PHACTR2: variants seen among roughly 807,000 people sequenced by gnomAD.
The protein encoded by PHACTR2 is phosphatase and actin regulator 2, also known as chromosome 6 open reading frame 56.
PHACTR2 carries 30 observed loss-of-function variants against 76.0 expected under a neutral mutation model. The ratio of observed to expected loss-of-function variants is 0.39; its 90% confidence interval spans 0.30 to 0.54. The LOEUF is 0.54. Ranked by LOEUF, PHACTR2 falls within the 20% of genes least tolerant of loss-of-function variation. The pLI, the probability that PHACTR2 is intolerant of heterozygous loss-of-function variation, is 0.61. For missense variants in PHACTR2, 696 were observed against 781.1 expected (o/e 0.89, Z 1.30); for synonymous variants, 292 against 292.5 (o/e 1.00, Z 0.02).
In PHACTR2 at chr6:143,753,723, T is replaced by C; in HGVS notation, c.296-31T>C. 6.5e-7 allele frequency: 1 copy of C among 1,528,012 alleles called. No homozygotes were observed. Among genetic ancestry groups the C allele is most frequent in the Non-Finnish European group, 8.8e-7 (1 of 1,132,964 alleles). The allele number at this position is 1,528,012 out of a possible 1,614,324, so 94.7% of individuals were successfully genotyped here. ...CTTGTTTTTAAGAAAGCCAGCAAGTTAGACATCTAGGTGTTTCTTTCCCAT... is the reference window on the plus strand; with the variant it reads ...CTTGTTTTTAAGAAAGCCAGCAAGTCAGACATCTAGGTGTTTCTTTCCCAT... On this transcript the variant is annotated intron_variant, in intron 3 of 12. Transcript: ENST00000440869. The surrounding 1 kb of genome is among the most constrained non-coding windows in gnomAD (Gnocchi z 4.6).
intron 2 of PHACTR2, among the ~76,000 whole-genome samples, chr6:143,741,568 T>C (rs1275440405): frequency 2.6e-5 from 4 of 152,096 alleles, no homozygotes; most frequent in Non-Finnish European, 5.9e-5. Context: ...AGAAAATAAA[T>C]AGGAAAATGT....
Position 143,648,970 on chromosome 6 carries a change from GTA to G in PHACTR2, c.13+40650_13+40651del, listed in dbSNP as rs1199596038. ...TTTGTGTGTGTCTGTGTGTCTATGT[GTA>G]TGACTGTTTCTATGTATGTCTCTGT... On this transcript the variant is annotated intron_variant, in intron 1 of 11. Transcript: ENST00000305766. The surrounding 1 kb of genome is among the most constrained non-coding windows in gnomAD (Gnocchi z 6.7). 1.3e-5 allele frequency among the ~76,000 whole-genome samples: 2 copies of G among 150,574 alleles called. No homozygotes were observed. The highest frequency in any genetic ancestry group is 4.9e-5 in the African/African-American group (2 of 40,552).
In PHACTR2 at chr6:143,623,564, G is replaced by A. The variant is rs1776198702; in HGVS notation, c.13+15242G>A. 1.3e-5 allele frequency among the ~76,000 whole-genome samples: 2 copies of A among 152,086 alleles called. No individual in the cohort carries two copies. Among genetic ancestry groups the A allele is most frequent in the South Asian group, 4.1e-4 (2 of 4,822 alleles). ...CACTCCAGCATGGGCAACAGAGTGAGACTCTGACTCGAAATAATAATAATA... is the reference window on the plus strand; with the variant it reads ...CACTCCAGCATGGGCAACAGAGTGAAACTCTGACTCGAAATAATAATAATA... On this transcript the variant is annotated intron_variant, in intron 1 of 11. Coordinates refer to the PHACTR2 transcript ENST00000305766. The surrounding 1 kb of genome is among the most constrained non-coding windows in gnomAD (Gnocchi z 5.9).
Position 143,598,954 on chromosome 6 carries a change from T to C in PHACTR2, c.217+61747T>C, listed in dbSNP as rs912915496. On this transcript the variant is annotated intron_variant, in intron 1 of 11. Transcript: ENST00000367584. This position sits in a 1 kb window ranked among gnomAD's most constrained non-coding sequence, Gnocchi z 4.1. ...ATAGTAAACATAGTAGATTAGTCCTTTGTAATTAAATTTAGATAGCATCTC... is the reference window on the plus strand; with the variant it reads ...ATAGTAAACATAGTAGATTAGTCCTCTGTAATTAAATTTAGATAGCATCTC... Among the ~76,000 whole-genome samples the C allele has an allele frequency of 2.0e-5, 3 of 152,164 alleles. No homozygotes were observed. The highest frequency in any genetic ancestry group is 1.5e-5 in the Non-Finnish European group (1 of 68,028).
In PHACTR2 at chr6:143,774,237, C is replaced by T; in HGVS notation, c.1589+22C>T. On this transcript the variant is annotated intron_variant, in intron 8 of 12. Transcript: ENST00000440869. The surrounding 1 kb of genome is among the most constrained non-coding windows in gnomAD (Gnocchi z 5.4). Reference sequence around the variant, plus strand: ...TCAGGTAATTGCTAACATTTTAGGACAGTACTGACTAATTTGTATTTTTCT... The same window carrying T: ...TCAGGTAATTGCTAACATTTTAGGATAGTACTGACTAATTTGTATTTTTCT... 1.2e-6 allele frequency: 2 copies of T among 1,601,974 alleles called. No individual in the cohort carries two copies. Among genetic ancestry groups the T allele is most frequent in the Non-Finnish European group, 1.7e-6 (2 of 1,169,794 alleles).
At chr6:143,601,153 G>A (rs1775810861) in intron 1 of PHACTR2, among the ~76,000 whole-genome samples, 1 of 152,192 alleles carries the variant, frequency 6.6e-6, no homozygotes, top group African/African-American at 2.4e-5. Context: ...CTGGTAAATA[G>A]TCAATGTTCA....
rs1162206891 is a variant in PHACTR2 at position 143,548,851 on chromosome 6, A to G, written c.217+11644A>G. Among the ~76,000 whole-genome samples, 1 of 151,976 alleles carries G rather than the reference A, an allele frequency of 6.6e-6. No homozygotes were observed. The highest frequency in any genetic ancestry group is 1.5e-5 in the Non-Finnish European group (1 of 67,934). ...TAAGGAAGCATTTTTTTAACATAACAAAGTGGATGTTTCATTGCACCATAG... is the reference window on the plus strand; with the variant it reads ...TAAGGAAGCATTTTTTTAACATAACGAAGTGGATGTTTCATTGCACCATAG... On this transcript the variant is annotated intron_variant, in intron 1 of 11. Coordinates refer to the PHACTR2 transcript ENST00000367584. This position sits in a 1 kb window ranked among gnomAD's most constrained non-coding sequence, Gnocchi z 4.5.
intron 1 of PHACTR2, among the ~76,000 whole-genome samples, chr6:143,551,860 T>A (rs1433628100): frequency 6.6e-6 from 1 of 152,174 alleles, no homozygotes; most frequent in Non-Finnish European, 1.5e-5. Flanking sequence ...AATGGAGAAC[T>A]TTGACTTGCT....
At chr6:143,704,237 T>G (rs1165926694) in intron 1 of PHACTR2, among the ~76,000 whole-genome samples, 1 of 152,124 alleles carries the variant, frequency 6.6e-6, no homozygotes, top group East Asian at 1.9e-4. Context: ...TGCAAGGTGT[T>G]GAATACTACT....
intron 1 of PHACTR2, among the ~76,000 whole-genome samples, chr6:143,593,458 C>T (rs1244042373): frequency 2.6e-5 from 4 of 152,070 alleles, no homozygotes; most frequent in African/African-American, 4.8e-5. Context: ...CAAATAGTTA[C>T]AGAAGAGACT....
chr6:143,611,665 G>C lies in PHACTR2; in HGVS notation c.13+3343G>C, dbSNP rs1775976638. On this transcript the variant is annotated intron_variant, in intron 1 of 11. Coordinates refer to the PHACTR2 transcript ENST00000305766. The surrounding 1 kb of genome is among the most constrained non-coding windows in gnomAD (Gnocchi z 4.4). Reference sequence around the variant, plus strand: ...ATATGGCAGCATACAATGCATGTTGGCGTTTTAGAGAGTCATCAAAAGATT... The same window carrying C: ...ATATGGCAGCATACAATGCATGTTGCCGTTTTAGAGAGTCATCAAAAGATT... Among the ~76,000 whole-genome samples the C allele has an allele frequency of 6.6e-6, 1 of 152,170 alleles. No individual in the cohort carries two copies.
chr6:143,788,699 C>G, intron 10 of PHACTR2, 74 bp from the exon 11 acceptor site: 1 of 1,146,150 alleles, frequency 8.7e-7, no homozygotes, highest in Non-Finnish European at 1.2e-6. Flanking sequence ...TTGAAGTGTT[C>G]TCTATAGAAA....
Position 143,760,759 on chromosome 6 carries a change from G to C in PHACTR2, c.694+119G>C. The C allele has an allele frequency of 8.5e-7, 1 of 1,173,810 alleles. No homozygotes were observed. Among genetic ancestry groups the C allele is most frequent in the East Asian group, 2.5e-5 (1 of 39,668 alleles). 72.7% of individuals were successfully genotyped at this position (1,173,810 alleles called of 1,614,324 possible). On this transcript the variant is annotated intron_variant, in intron 5 of 12. Coordinates refer to ENST00000440869, the MANE Select transcript of PHACTR2 (RefSeq NM_001100164.2). The surrounding 1 kb of genome is among the most constrained non-coding windows in gnomAD (Gnocchi z 6.4). ...GTGTCTTAGGACATTACACCAGCAG[G>C]TTCAGCTTTGACACAAAGAATGCCC... is the stretch of plus-strand genomic sequence containing the variant.
intron 1 of PHACTR2, among the ~76,000 whole-genome samples, chr6:143,690,040 G>T (rs562611714): frequency 6.6e-6 from 1 of 152,304 alleles, no homozygotes; most frequent in South Asian, 2.1e-4. Flanking sequence ...AGTCATCCAT[G>T]TAATAGCAGA....
chr6:143,764,591 T>C lies in PHACTR2; in HGVS notation c.695-670T>C, dbSNP rs1205691953. On this transcript the variant is annotated intron_variant, in intron 5 of 12. Coordinates refer to ENST00000440869, the MANE Select transcript of PHACTR2 (RefSeq NM_001100164.2). This position sits in a 1 kb window ranked among gnomAD's most constrained non-coding sequence, Gnocchi z 4.7. ...AACAACAAGTTTTTTTCTGGCCTTT[T>C]GATGCTTTGAAGGGAGTGTACCTTT... is the stretch of plus-strand genomic sequence containing the variant. 6.6e-6 allele frequency among the ~76,000 whole-genome samples: 1 copy of C among 152,080 alleles called. No homozygotes were observed. Among genetic ancestry groups the C allele is most frequent in the African/African-American group, 2.4e-5 (1 of 41,402 alleles).
rs1216574481 is a variant in PHACTR2 at position 143,623,306 on chromosome 6, GA to G, written c.13+14991del. 3.9e-5 allele frequency among the ~76,000 whole-genome samples: 6 copies of G among 152,226 alleles called. No homozygotes were observed. The highest frequency in any genetic ancestry group is 1.4e-4 in the African/African-American group (6 of 41,530). On this transcript the variant is annotated intron_variant, in intron 1 of 11. Transcript: ENST00000305766. This position sits in a 1 kb window ranked among gnomAD's most constrained non-coding sequence, Gnocchi z 5.9. ...CCCTTGCTCTTAATATATGGAGAGA[GA>G]AAAAAATGTCATCATAATACCCAAA... is the stretch of plus-strand genomic sequence containing the variant.
At chr6:143,668,591 G>T (rs1022470289) in intron 1 of PHACTR2, among the ~76,000 whole-genome samples, 2 of 152,082 alleles carry the variant, frequency 1.3e-5, no homozygotes, top group Admixed American at 6.5e-5. Context: ...ACTTCTTCCT[G>T]GTTTAGTCTT....
chr6:143,611,213 G>A lies in PHACTR2; in HGVS notation c.13+2891G>A, dbSNP rs930611907. On this transcript the variant is annotated intron_variant, in intron 1 of 11. Transcript: ENST00000305766. This position sits in a 1 kb window ranked among gnomAD's most constrained non-coding sequence, Gnocchi z 4.4. ...TTGGGTTTTCCCTACTTGATATCAA[G>A]ATATTTCAGTTACCATGTGTGGGTT... 2.6e-5 allele frequency among the ~76,000 whole-genome samples: 4 copies of A among 152,072 alleles called. No individual in the cohort carries two copies. The highest frequency in any genetic ancestry group is 9.7e-5 in the African/African-American group (4 of 41,414).
At chr6:143,637,030 C>G (rs373661656) in intron 1 of PHACTR2, among the ~76,000 whole-genome samples, 1 of 152,192 alleles carries the variant, frequency 6.6e-6, no homozygotes, top group Non-Finnish European at 1.5e-5. Context: ...ATTCTCAACA[C>G]GAGGGTTGCC....
Sources: gnomAD v4.1 joint callset for allele counts (sites outside exome capture counted in the v4.1 genomes callset) on GRCh38, gnomAD v4.1.1 for gene constraint, Gnocchi (gnomAD v3.1) non-coding constraint, MANE v1.5 for transcripts, NCBI Gene and HGNC (gene_info 2026-07-23, HGNC 2026-07-21) for gene names.